The following GABRD variants were observed in gnomAD, a reference collection of about 807,000 sequenced individuals.
GABRD encodes gamma-aminobutyric acid type A receptor subunit delta.
In GABRD, 25 loss-of-function variants were observed where a neutral mutation model predicts 47.3. The observed-to-expected ratio is 0.53, with a 90% CI of 0.39 to 0.74. The LOEUF (loss-of-function observed/expected upper bound fraction) is 0.74, where lower values mean the gene tolerates loss of function less well. GABRD is among the 30% of genes least tolerant of loss of function. The pLI is 0.00. For synonymous variants in GABRD, 314 were observed against 278.8 expected, an observed-to-expected ratio of 1.13 and a Z score of -1.26; for missense variants, 497 against 643.4, an observed-to-expected ratio of 0.77 and a Z score of 2.46.
chr1:2,029,471 C>T, intron 7 of GABRD, 80 bp from the exon 8 acceptor site: 5 of 1,565,702 alleles, frequency 3.2e-6, no homozygotes, highest in Non-Finnish European at 4.3e-6. Flanking sequence ...GGACCCTCAT[C>T]CGTGGGTCAC....
At chr1:2,021,206 G>C (rs566007654) in intron 1 of GABRD, among the ~76,000 whole-genome samples, 5 of 152,230 alleles carry the variant, frequency 3.3e-5, no homozygotes, top group African/African-American at 1.2e-4. Context: ...GTTAAAAACA[G>C]TTACCACCTG....
chr1:2,025,857 G>A lies in GABRD; in HGVS notation c.470+119G>A, dbSNP rs576021048. 114 of 803,504 alleles carry A rather than the reference G, an allele frequency of 1.4e-4. No homozygotes were observed. The African/African-American group carries it at 1.5e-3, about 10-fold the overall frequency. 49.8% of individuals were successfully genotyped at this position (803,504 alleles called of 1,614,324 possible). Reference sequence around the variant, plus strand: ...CTTCTGCTGCCGGGAGCTGGCGGGCGGGCGGAGGGGGGGGCAGAAGCTGCG... The same window carrying A: ...CTTCTGCTGCCGGGAGCTGGCGGGCAGGCGGAGGGGGGGGCAGAAGCTGCG... On this transcript the variant is annotated intron_variant, in intron 4 of 8. Transcript: ENST00000378585.
chr1:2,027,697 C>T (rs768030716), intron 5 of GABRD, 38 bp downstream of exon 5: 2 of 1,560,592 alleles, frequency 1.3e-6, no homozygotes, highest in Non-Finnish European at 1.8e-6. Context: ...GCTTCTCCAG[C>T]AGTGGATGGG....
At chr1:2,027,801 CAGG>C (rs1658970104) in intron 5 of GABRD, 142 bp downstream of exon 5, 3 of 797,252 alleles carry the variant, frequency 3.8e-6, no homozygotes, top group East Asian at 2.7e-5. Context: ...GAAGCCTGGG[CAGG>C]AGGAGAAGGG....
rs199632472 is a variant in GABRD, at chr1:2,025,296, C to T, written c.182-38C>T. The T allele has an allele frequency of 2.6e-5, 42 of 1,610,728 alleles. No homozygotes were observed. In the East Asian group the frequency reaches 3.8e-4, roughly 15 times the overall value. ...TCCCATCGTGGCTCCCATGCTGGGC[C>T]GGCCTCAGTCCTTCTTAGTTCTGCT... On this transcript the variant is annotated intron_variant, in intron 2 of 8. Transcript: ENST00000378585.
rs141470396 is a variant in GABRD at position 2,026,966 on chromosome 1, C to A, written c.471-611C>A. ...CCTGGGAGTTTGAGACCAGCCTGGG[C>A]AACATAGGGAGATCCTGCCTCTACA... On this transcript the variant is annotated intron_variant, in intron 4 of 8. Coordinates refer to ENST00000378585, the MANE Select transcript of GABRD (RefSeq NM_000815.5). The A allele has an allele frequency of 7.4e-3, 1,205 of 162,920 alleles. 13 individuals are homozygous for A. The highest frequency in any genetic ancestry group is 0.027 in the African/African-American group (1,129 of 41,478). 10.1% of individuals were successfully genotyped at this position (162,920 alleles called of 1,614,324 possible). A position where few individuals can be genotyped will look rare whatever the true frequency, so the allele number is the denominator to read the frequency against.
intron 1 of GABRD, among the ~76,000 whole-genome samples, chr1:2,021,201 A>G (rs1029803330): frequency 6.6e-6 from 1 of 152,186 alleles, no homozygotes; most frequent in African/African-American, 2.4e-5. Context: ...CTCTAGTTAA[A>G]AACAGTTACC....
intron 1 of GABRD, among the ~76,000 whole-genome samples, chr1:2,022,810 G>C (rs1658817141): frequency 6.6e-6 from 1 of 152,240 alleles, no homozygotes; most frequent in Non-Finnish European, 1.5e-5. Context: ...AGCAGCCCTG[G>C]ATGCTGCCTC....
intron 7 of GABRD, 99 bp from the exon 8 acceptor site, chr1:2,029,452 G>T: frequency 6.6e-7 from 1 of 1,515,692 alleles, no homozygotes; most frequent in Non-Finnish European, 9.0e-7. Flanking sequence ...CATGGGGGTG[G>T]GGGGCAGCGG....
Position 2,030,274 on chromosome 1 carries a change from G to A in GABRD, c.1351G>A (p.Ala451Thr), listed in dbSNP as rs932283828. 1.1e-5 allele frequency: 17 copies of A among 1,543,234 alleles called. No homozygotes were observed. The highest frequency in any genetic ancestry group is 9.6e-5 in the African/African-American group (7 of 72,598). The change falls in exon 9 of 9, where the codon GCC (alanine) becomes ACC (threonine). Residue 451 changes from alanine to threonine, a missense_variant. This residue lies in a region of GABRD where 121 missense variants were observed against 121.3 expected (regional missense o/e 1.00). Coordinates refer to ENST00000378585, the MANE Select transcript of GABRD (RefSeq NM_000815.5). ...AVNVIYWAAYAM is the reference protein window; with the variant it reads ...AVNVIYWAAYTM ...CAATGTCATCTACTGGGCGGCATAC[G>A]CCATGTGAGCACAGGACTCAGGCCA...
Position 2,030,077 on chromosome 1 carries a change from G to C in GABRD, c.1154G>C (p.Gly385Ala), listed in dbSNP as rs753657631. 1 of 1,607,996 alleles carries C rather than the reference G, an allele frequency of 6.2e-7. No homozygotes were observed. Among genetic ancestry groups the C allele is most frequent in the South Asian group, 1.1e-5 (1 of 90,304 alleles). ...TCCCGCCGGCAGCGCCGCGTCCCGGGGAACCTGATGGGCTCCTACAGGTCG... is the reference window on the plus strand; with the variant it reads ...TCCCGCCGGCAGCGCCGCGTCCCGGCGAACCTGATGGGCTCCTACAGGTCG... The part of the protein sequence containing the change: ...AISRRQRRVP[G>A]NLMGSYRSVG... Residue 385 changes from glycine to alanine, a missense_variant, in exon 9 of 9, where the codon GGG (glycine) becomes GCG (alanine). Gly to Ala is a moderately conservative substitution (Grantham distance 60). Around this residue, in one of 3 missense-constraint regions of GABRD, gnomAD observed 121 missense variants for 121.3 expected, o/e 1.00. Transcript: ENST00000378585.
chr1:2,027,449 A>C (rs914911532), intron 4 of GABRD, 128 bp from the exon 5 acceptor site: 2 of 756,794 alleles, frequency 2.6e-6, no homozygotes, highest in African/African-American at 3.4e-5. Context: ...GATTCTGGGC[A>C]AACACAGTCT....
chr1:2,029,124 A>G lies in GABRD; in HGVS notation c.705A>G (p.Pro235=). The G allele has an allele frequency of 1.3e-6, 2 of 1,542,538 alleles. No individual in the cohort carries two copies. The highest frequency in any genetic ancestry group is 1.7e-6 in the Non-Finnish European group (2 of 1,146,978). The change falls in exon 7 of 9, where the codon CCA becomes CCG. Residue 235 remains proline (P), a synonymous_variant. Coordinates refer to ENST00000378585, the MANE Select transcript of GABRD (RefSeq NM_000815.5). The part of the protein sequence containing the change: ...LMNFKSAGQF[P]RLSLHFHLRR... ...CTGTCCTGGCAGCTGGCCAGTTCCC[A>G]CGGCTCAGCCTGCACTTCCACCTGC...
rs994808569 is a variant in GABRD, at chr1:2,029,954, C to T, written c.1060-29C>T. The T allele has an allele frequency of 2.5e-6, 4 of 1,609,984 alleles. No homozygotes were observed. The East Asian group carries it at 6.7e-5, about 27-fold the overall frequency. ...CTGGGAGCTGCACCCCAGTGCTCAG[C>T]CCTGTCTCCCCCACCGGCCTTCGTG... On this transcript the variant is annotated intron_variant, in intron 8 of 8. Coordinates refer to ENST00000378585, the MANE Select transcript of GABRD (RefSeq NM_000815.5).
In GABRD at chr1:2,029,498, A is replaced by G. The variant is rs1659023547; in HGVS notation, c.848-53A>G. The G allele has an allele frequency of 2.5e-6, 4 of 1,599,878 alleles. No individual in the cohort carries two copies. In the African/African-American group the frequency reaches 5.3e-5, roughly 21 times the overall value. ...GTGGGTCACAGGCATCAAGGCTGGG[A>G]TGGGGCGGCGTGAGGGCAGGGCTAC... On this transcript the variant is annotated intron_variant, in intron 7 of 8. Coordinates refer to ENST00000378585, the MANE Select transcript of GABRD (RefSeq NM_000815.5).
intron 8 of GABRD, 109 bp from the exon 9 acceptor site, chr1:2,029,874 T>C: frequency 6.6e-7 from 1 of 1,504,280 alleles, no homozygotes; most frequent in Non-Finnish European, 9.2e-7. Context: ...CGTGGGGGGC[T>C]GGAGCTGCTG....
Position 2,028,377 on chromosome 1 carries a change from C to G in GABRD, c.691+85C>G. The G allele has an allele frequency of 1.5e-6, 2 of 1,311,414 alleles. No homozygotes were observed. Among genetic ancestry groups the G allele is most frequent in the Non-Finnish European group, 2.0e-6 (2 of 1,017,950 alleles). 81.2% of individuals were successfully genotyped at this position (1,311,414 alleles called of 1,614,324 possible). ...CGCCCCTTCCGCGCGCGCCCACCGC[C>G]CCTTCCGCGTGCGCCCGCCTGTGGT... On this transcript the variant is annotated intron_variant, in intron 6 of 8. Coordinates refer to ENST00000378585, the MANE Select transcript of GABRD (RefSeq NM_000815.5). The surrounding 1 kb of genome is among the most constrained non-coding windows in gnomAD (Gnocchi z 6.4).
In GABRD at chr1:2,025,629, C is replaced by T; in HGVS notation, c.361C>T (p.Leu121=). 1 of 1,613,094 alleles carries T rather than the reference C, an allele frequency of 6.2e-7. No homozygotes were observed. The highest frequency in any genetic ancestry group is 1.1e-5 in the South Asian group (1 of 91,082). The change falls in exon 4 of 9, where the codon CTG becomes TTG. Residue 121 remains leucine, a synonymous_variant. Transcript: ENST00000378585. ...CAGCCGCTTCGTGGACAAGCTGTGGCTGCCCGACACCTTCATCGTGAACGC... is the reference window on the plus strand; with the variant it reads ...CAGCCGCTTCGTGGACAAGCTGTGGTTGCCCGACACCTTCATCGTGAACGC... ...LDSRFVDKLW[L]PDTFIVNAKS...
In GABRD at chr1:2,029,755, G is replaced by A; in HGVS notation, c.1052G>A (p.Arg351Lys). Residue 351 changes from arginine (R) to lysine (K), a missense_variant, in exon 8 of 9, where the codon AGG (arginine) becomes AAG (lysine). Arg to Lys is a conservative substitution (Grantham distance 26). This residue lies in a region of GABRD where 285 missense variants were observed against 436.6 expected (regional missense o/e 0.65). Coordinates refer to ENST00000378585, the MANE Select transcript of GABRD (RefSeq NM_000815.5). ...GCCAAGGTCAAGGTCTCCAGGCCGA[G>A]GGCAGAGGTGAGGGCCTGGGGCCGA... ...QKAKVKVSRP[R>K]AEMDVRNAIV... The A allele has an allele frequency of 6.2e-7, 1 of 1,612,444 alleles. No homozygotes were observed. The highest frequency in any genetic ancestry group is 1.7e-4 in the Middle Eastern group (1 of 6,058).
Sources: gnomAD v4.1 joint callset for allele counts (sites outside exome capture counted in the v4.1 genomes callset) on GRCh38, gnomAD v4.1.1 for gene constraint, gnomAD v4.1.1 regional missense constraint, Gnocchi (gnomAD v3.1) non-coding constraint, MANE v1.5 for transcripts, NCBI Gene and HGNC (gene_info 2026-07-23, HGNC 2026-07-21) for gene names.